The following PLCE1 variants were observed in gnomAD, a reference collection of about 807,000 sequenced individuals.
The protein encoded by PLCE1 is phospholipase C epsilon 1.
PLCE1 carries 119 observed loss-of-function variants against 242.8 expected under a neutral mutation model. The observed-to-expected ratio is 0.49, with a 90% CI of 0.42 to 0.57. The LOEUF is 0.57. Among genes scored for constraint, PLCE1 ranks in the 20% least tolerant of loss-of-function variants. The pLI, the probability that PLCE1 is intolerant of heterozygous loss-of-function variation, is 0.00. For synonymous variants in PLCE1, 945 were observed against 1,017.4 expected, an observed-to-expected ratio of 0.93 and a Z score of 1.35; for missense variants, 2,441 against 2,788.8, an observed-to-expected ratio of 0.88 and a Z score of 2.81.
chr10:94,192,754 A>G (rs1433025668), intron 4 of PLCE1, among the ~76,000 whole-genome samples: 1 of 152,206 alleles, frequency 6.6e-6, no homozygotes, highest in Non-Finnish European at 1.5e-5. Flanking sequence ...AGAAGTCTCT[A>G]AACTACTTTT....
chr10:94,239,267 A>G (rs1364836941), intron 7 of PLCE1, among the ~76,000 whole-genome samples: 1 of 152,206 alleles, frequency 6.6e-6, no homozygotes, highest in Non-Finnish European at 1.5e-5. Flanking sequence ...GTCAAGGGAG[A>G]GACCAGGTGG....
chr10:93,998,022 C>G (rs945119600), intron 1 of PLCE1, among the ~76,000 whole-genome samples: 3 of 152,214 alleles, frequency 2.0e-5, no homozygotes, highest in Non-Finnish European at 4.4e-5. Context: ...GGTGGACTAC[C>G]AGGATTGTAA....
At chr10:94,061,280 C>G (rs2044049117) in intron 2 of PLCE1, among the ~76,000 whole-genome samples, 1 of 152,182 alleles carries the variant, frequency 6.6e-6, no homozygotes, top group African/African-American at 2.4e-5. Context: ...TGAAACTCTT[C>G]TATTGGAGAT....
chr10:94,234,312 G>T lies in PLCE1; in HGVS notation c.2214G>T (p.Glu738Asp). ...PRYNSQEETLEFVADYSGQDN... is the reference protein window; with the variant it reads ...PRYNSQEETLDFVADYSGQDN... ...ACAATTCCCAAGAAGAAACTTTAGA[G>T]GTAAGGCCTTTCAGAATCATCGTGG... The change falls in exon 6 of 33, where the codon GAG (glutamate) becomes GAT (aspartate). Residue 738 changes from glutamate (E) to aspartate (D), a missense_variant and splice_region_variant. Around this residue, in one of 5 missense-constraint regions of PLCE1, gnomAD observed 733 missense variants for 754.2 expected, o/e 0.97. Transcript: ENST00000371380. The T allele has an allele frequency of 6.2e-7, 1 of 1,613,838 alleles. No homozygotes were observed. The highest frequency in any genetic ancestry group is 1.7e-5 in the Admixed American group (1 of 60,018).
chr10:94,057,389 C>G (rs919953355), intron 2 of PLCE1, among the ~76,000 whole-genome samples: 2 of 151,666 alleles, frequency 1.3e-5, no homozygotes, highest in Admixed American at 1.3e-4. Flanking sequence ...TAATAGCTGA[C>G]CTACACTCCA....
At chr10:94,271,989 C>T (rs960390320) in intron 18 of PLCE1, among the ~76,000 whole-genome samples, 3 of 152,198 alleles carry the variant, frequency 2.0e-5, no homozygotes, top group African/African-American at 7.2e-5. Context: ...GCAAGGATCA[C>T]ATGCTTCTGA....
intron 3 of PLCE1, among the ~76,000 whole-genome samples, chr10:94,140,736 C>T (rs115191463): frequency 6.6e-6 from 1 of 152,282 alleles, no homozygotes; most frequent in African/African-American, 2.4e-5. Flanking sequence ...AAAATCAAAA[C>T]GATTACCCTT....
intron 16 of PLCE1, among the ~76,000 whole-genome samples, chr10:94,266,338 G>A (rs1343716924): frequency 6.6e-6 from 1 of 152,120 alleles, no homozygotes; most frequent in Non-Finnish European, 1.5e-5. Context: ...AAGCATAGTA[G>A]AAAATGCAAC....
chr10:94,098,840 GT>G (rs1359593281), intron 2 of PLCE1, among the ~76,000 whole-genome samples: 3 of 152,160 alleles, frequency 2.0e-5, no homozygotes, highest in African/African-American at 4.8e-5. Context: ...TATTCCTTCT[GT>G]TTTAGGATTC....
At chr10:94,233,946 T>TA (rs911632993) in intron 5 of PLCE1, 108 bp from the exon 6 acceptor site, 26,506 of 893,306 alleles carry the variant, frequency 0.03, 6 homozygotes, top group South Asian at 0.036. Context: ...AGACTCCACC[T>TA]AAAAAAAAAA....
chr10:94,045,871 C>T (rs980617083), intron 2 of PLCE1, among the ~76,000 whole-genome samples: 8 of 151,766 alleles, frequency 5.3e-5, no homozygotes, highest in African/African-American at 7.3e-5. Context: ...GAGGCCGAGG[C>T]GGGTGGATCA....
intron 2 of PLCE1, chr10:94,108,757 T>A (rs1353289471): frequency 2.0e-5 from 3 of 152,246 alleles, no homozygotes; most frequent in Non-Finnish European, 2.9e-5. Flanking sequence ...GACATCTGCC[T>A]GCTGCCTTCC....
chr10:94,259,181 G>A, intron 13 of PLCE1, 31 bp downstream of exon 13: 1 of 1,611,782 alleles, frequency 6.2e-7, no homozygotes, highest in Non-Finnish European at 8.5e-7. Context: ...TTTCCCTTTG[G>A]GATCAATCTG....
chr10:94,189,100 T>C (rs1347752949), intron 4 of PLCE1, among the ~76,000 whole-genome samples: 1 of 151,190 alleles, frequency 6.6e-6, no homozygotes, highest in Non-Finnish European at 1.5e-5. Context: ...TGCATGTTAG[T>C]ATACTGAAGG....
At chr10:94,072,476 A>T (rs1322084010) in intron 2 of PLCE1, among the ~76,000 whole-genome samples, 1 of 151,912 alleles carries the variant, frequency 6.6e-6, no homozygotes, top group Non-Finnish European at 1.5e-5. Flanking sequence ...ACGGGATTTC[A>T]CCATGTTAGC....
At chr10:94,000,568 T>G (rs902856186) in intron 1 of PLCE1, among the ~76,000 whole-genome samples, 1 of 152,270 alleles carries the variant, frequency 6.6e-6, no homozygotes, top group African/African-American at 2.4e-5. Flanking sequence ...GAATAAGAAT[T>G]CTAACAAATA....
chr10:94,328,128 C>A lies in PLCE1; in HGVS notation c.*185C>A, dbSNP rs970929348. Reference sequence around the variant, plus strand: ...CAAAATGGCACAGGGCTAGTTGCCACCAACCAATTTACTGATGAATGAAGC... The same window carrying A: ...CAAAATGGCACAGGGCTAGTTGCCAACAACCAATTTACTGATGAATGAAGC... On this transcript the variant is annotated 3_prime_UTR_variant, in exon 33 of 33. Transcript: ENST00000371380. 8.7e-6 allele frequency: 3 copies of A among 346,720 alleles called. No individual in the cohort carries two copies. Among genetic ancestry groups the A allele is most frequent in the African/African-American group, 6.4e-5 (3 of 46,724 alleles). 21.5% of individuals were successfully genotyped at this position (346,720 alleles called of 1,614,324 possible).
At chr10:94,096,476 G>C (rs1297844403) in intron 2 of PLCE1, 1 of 152,092 alleles carries the variant, frequency 6.6e-6, no homozygotes, top group East Asian at 1.9e-4. Flanking sequence ...GAAGTACCAA[G>C]AAAAAGGGGG....
At chr10:94,077,436 T>A (rs1220017325) in intron 2 of PLCE1, among the ~76,000 whole-genome samples, 1 of 152,208 alleles carries the variant, frequency 6.6e-6, no homozygotes, top group Non-Finnish European at 1.5e-5. Context: ...TAGTGTGAAT[T>A]TCTCATCCTA....
Sources: gnomAD v4.1 joint callset for allele counts (sites outside exome capture counted in the v4.1 genomes callset) on GRCh38, gnomAD v4.1.1 for gene constraint, gnomAD v4.1.1 regional missense constraint, MANE v1.5 for transcripts, NCBI Gene and HGNC (gene_info 2026-07-23, HGNC 2026-07-21) for gene names.